The following WRN variants were observed in gnomAD, a reference collection of about 807,000 sequenced individuals.
WRN encodes the protein bifunctional 3'-5' exonuclease/ATP-dependent helicase WRN.
In WRN, 149 loss-of-function variants were observed where a neutral mutation model predicts 180.7. The ratio of observed to expected loss-of-function variants is 0.82; its 90% confidence interval spans 0.72 to 0.94. The LOEUF (loss-of-function observed/expected upper bound fraction) is 0.94, where lower values mean the gene tolerates loss of function less well. Ranked by LOEUF, WRN falls within the 40% of genes least tolerant of loss-of-function variation. The pLI is 0.00. For missense variants in WRN, 1,661 were observed against 1,700.1 expected, an observed-to-expected ratio of 0.98 and a Z score of 0.40; for synonymous variants, 548 against 568.9, an observed-to-expected ratio of 0.96 and a Z score of 0.52.
intron 24 of WRN, among the ~76,000 whole-genome samples, chr8:31,138,929 C>A: frequency 6.8e-6 from 1 of 147,562 alleles, no homozygotes; most frequent in Non-Finnish European, 1.5e-5. Flanking sequence ...ATCACCCTTG[C>A]TTAGCCTATT....
chr8:31,067,093 C>G lies in WRN; in HGVS notation c.565C>G (p.Leu189Val), dbSNP rs1377471795. The change falls in exon 6 of 35, where the codon CTC (leucine) becomes GTC (valine). Residue 189 changes from leucine (L) to valine (V), a missense_variant. Physicochemically the swap from Leu to Val is conservative, Grantham distance 32. This residue lies in a region of WRN where 500 missense variants were observed against 504.1 expected (regional missense o/e 0.99). Coordinates refer to ENST00000298139, the MANE Select transcript of WRN (RefSeq NM_000553.6). ...SLVKHLLGKQLLKDKSIRCSN... is the reference protein window; with the variant it reads ...SLVKHLLGKQVLKDKSIRCSN... The stretch of plus-strand genomic sequence containing the variant: ...GGTTAAACACCTCTTAGGTAAACAG[C>G]TCCTGAAAGACAAGTCTATCCGCTG... 5 of 1,613,854 alleles carry G rather than the reference C, an allele frequency of 3.1e-6. No homozygotes were observed. The African/African-American group carries it at 5.3e-5, about 17-fold the overall frequency.
chr8:31,068,203 T>C (rs1212412462), intron 6 of WRN, 55 bp from the exon 7 acceptor site: 2 of 1,324,474 alleles, frequency 1.5e-6, no homozygotes, highest in East Asian at 4.8e-5. Flanking sequence ...TGGGACTTAC[T>C]GTTTTATTTC....
chr8:31,066,583 C>T (rs1812714283), intron 5 of WRN, among the ~76,000 whole-genome samples: 1 of 151,564 alleles, frequency 6.6e-6, no homozygotes, highest in African/African-American at 2.4e-5. Context: ...CCATGTATAC[C>T]AGTAACTTAA....
At chr8:31,093,127 C>T (rs987666777) in intron 16 of WRN, among the ~76,000 whole-genome samples, 5 of 152,002 alleles carry the variant, frequency 3.3e-5, no homozygotes, top group Non-Finnish European at 7.4e-5. Context: ...TTTGTAGAGA[C>T]AGGATCTTGC....
chr8:31,093,015 G>A (rs1813816682), intron 16 of WRN, among the ~76,000 whole-genome samples: 1 of 152,108 alleles, frequency 6.6e-6, no homozygotes, highest in South Asian at 2.1e-4. Flanking sequence ...CGCAATCATA[G>A]CTTACTGCAG....
intron 5 of WRN, among the ~76,000 whole-genome samples, chr8:31,065,572 AT>A (rs530178825): frequency 1.2e-4 from 18 of 151,406 alleles, no homozygotes; most frequent in South Asian, 2.1e-4. Context: ...GATCTTATTT[AT>A]TTTTTTTATG....
chr8:31,132,549 C>T lies in WRN; in HGVS notation c.2967+43C>T, dbSNP rs1340254349. The T allele has an allele frequency of 3.7e-6, 6 of 1,613,050 alleles. No homozygotes were observed. The South Asian group carries it at 5.5e-5, about 15-fold the overall frequency. ...AATTCCCTTCATAGATCTTCTTTTA[C>T]TTCTATTACACTTTTCTTCAGAGGT... On this transcript the variant is annotated intron_variant, in intron 24 of 34. Transcript: ENST00000298139.
At chr8:31,159,286 A>G (rs1803513134) in intron 33 of WRN, among the ~76,000 whole-genome samples, 1 of 151,898 alleles carries the variant, frequency 6.6e-6, no homozygotes, top group Admixed American at 6.6e-5. Context: ...AGTGACACCC[A>G]GAGTGAGAAC....
chr8:31,149,327 G>A lies in WRN; in HGVS notation c.3573-1014G>A, dbSNP rs1014112778. On this transcript the variant is annotated intron_variant, in intron 30 of 34. Transcript: ENST00000298139. ...CAGGAGAATGGCGTGAACCCGGGAG[G>A]CGGAGCTTGCAGTGAGCGGAGATCG... Among the ~76,000 whole-genome samples the A allele has an allele frequency of 7.9e-5, 12 of 151,554 alleles. 1 individual carries two copies. Among genetic ancestry groups the A allele is most frequent in the Admixed American group, 7.9e-4 (12 of 15,214 alleles).
chr8:31,049,210 CAAAAAA>C (rs72226104), intron 1 of WRN, among the ~76,000 whole-genome samples: 2 of 31,778 alleles, frequency 6.3e-5, no homozygotes, highest in African/African-American at 2.9e-4. Flanking sequence ...GACTCTGTCT[CAAAAAA>C]AAAAAAAAAA....
chr8:31,092,575 A>G (rs962973286), intron 16 of WRN, among the ~76,000 whole-genome samples: 3 of 151,836 alleles, frequency 2.0e-5, no homozygotes, highest in African/African-American at 7.3e-5. Context: ...TCACTCCCAA[A>G]AGAACACCCC....
chr8:31,047,079 A>G (rs778041922), intron 1 of WRN, among the ~76,000 whole-genome samples: 11 of 147,572 alleles, frequency 7.5e-5, no homozygotes, highest in Non-Finnish European at 1.6e-4. Context: ...TCTTCCCCCT[A>G]TACTTAAATT....
At chr8:31,071,003 A>C (rs1165731739) in intron 7 of WRN, among the ~76,000 whole-genome samples, 1 of 149,832 alleles carries the variant, frequency 6.7e-6, no homozygotes, top group Admixed American at 6.8e-5. Flanking sequence ...CTGAGATTGC[A>C]CCATTGCACT....
rs1802649338 is a variant in WRN, at chr8:31,141,790, T to C, written c.3233+15T>C. On this transcript the variant is annotated intron_variant, in intron 26 of 34. Transcript: ENST00000298139. ...CTTCTGCCTAGGTTCATTTTTCAGT[T>C]TTTTTCTTGTAACTTCTGCATTTTT... 3 of 1,609,980 alleles carry C rather than the reference T, an allele frequency of 1.9e-6. No homozygotes were observed. Among genetic ancestry groups the C allele is most frequent in the African/African-American group, 1.3e-5 (1 of 74,810 alleles).
At chr8:31,147,637 A>C (rs1026090253) in intron 30 of WRN, among the ~76,000 whole-genome samples, 161 bp downstream of exon 30, 3 of 152,300 alleles carry the variant, frequency 2.0e-5, no homozygotes, top group Non-Finnish European at 4.4e-5. Context: ...AAGCTTTAGT[A>C]CCGTGTTTCT....
intron 11 of WRN, among the ~76,000 whole-genome samples, chr8:31,086,146 A>T (rs368582814): frequency 6.6e-6 from 1 of 152,258 alleles, no homozygotes. Context: ...ATGAAGAAAA[A>T]CACAGAAGTT....
intron 1 of WRN, among the ~76,000 whole-genome samples, chr8:31,056,297 A>G (rs1299525143): frequency 1.3e-5 from 2 of 152,184 alleles, no homozygotes; most frequent in Non-Finnish European, 1.5e-5. Context: ...CCAGCTTTAT[A>G]AATATATATT....
chr8:31,137,517 CT>C (rs1035549008), intron 24 of WRN, among the ~76,000 whole-genome samples: 11 of 152,092 alleles, frequency 7.2e-5, no homozygotes, highest in Admixed American at 5.2e-4. Context: ...CCAAGTCATG[CT>C]TTTTACTCTT....
chr8:31,073,152 A>AT (rs1812972226), intron 7 of WRN, among the ~76,000 whole-genome samples: 1 of 152,178 alleles, frequency 6.6e-6, no homozygotes, highest in South Asian at 2.1e-4. Flanking sequence ...TTTTAGAAAT[A>AT]TTTTTCTGGT....
Sources: gnomAD v4.1 joint callset for allele counts (sites outside exome capture counted in the v4.1 genomes callset) on GRCh38, gnomAD v4.1.1 for gene constraint, gnomAD v4.1.1 regional missense constraint, MANE v1.5 for transcripts, NCBI Gene and HGNC (gene_info 2026-07-23, HGNC 2026-07-21) for gene names.